ACTN4: variants seen among roughly 807,000 people sequenced by gnomAD.
ACTN4 encodes actinin alpha 4.
Under a neutral mutation model 114.2 loss-of-function variants are expected in ACTN4, and 18 were observed. The observed-to-expected ratio is 0.16, with a 90% CI of 0.11 to 0.23. The LOEUF (loss-of-function observed/expected upper bound fraction) is 0.23, where lower values mean the gene tolerates loss of function less well. ACTN4 is among the 10% of genes least tolerant of loss of function. The pLI is 1.00. For synonymous variants in ACTN4, 515 were observed against 506.3 expected, an observed-to-expected ratio of 1.02 and a Z score of -0.23; for missense variants, 722 against 1,262.9, an observed-to-expected ratio of 0.57 and a Z score of 6.49.
At chr19:38,720,130 G>A (rs1199448170) in intron 11 of ACTN4, among the ~76,000 whole-genome samples, 4 of 152,212 alleles carry the variant, frequency 2.6e-5, no homozygotes, top group Admixed American at 2.0e-4. Flanking sequence ...TGGTCGTAGC[G>A]GCCTCCTCCG....
Position 38,708,231 on chromosome 19 carries a change from C to T in ACTN4, c.651+36C>T, listed in dbSNP as rs759386881. The T allele has an allele frequency of 2.6e-5, 42 of 1,607,274 alleles. 2 individuals carry two copies. In the Admixed American group the frequency reaches 4.5e-4, roughly 17 times the overall value. On this transcript the variant is annotated intron_variant, in intron 6 of 20. Coordinates refer to ENST00000252699, the MANE Select transcript of ACTN4 (RefSeq NM_004924.6). ...CCAGCTCCCCTTGATGGCCCACAGA[C>T]GTGCCCTGTCTGACCCCCTAACTCC...
chr19:38,665,940 T>C (rs1188397206), intron 1 of ACTN4, among the ~76,000 whole-genome samples: 1 of 152,056 alleles, frequency 6.6e-6, no homozygotes, highest in African/African-American at 2.4e-5. Context: ...CTCTCTTCAG[T>C]TGGTGTGTGA....
intron 1 of ACTN4, among the ~76,000 whole-genome samples, chr19:38,672,048 G>A (rs1212306258): frequency 6.6e-6 from 1 of 151,966 alleles, no homozygotes; most frequent in Non-Finnish European, 1.5e-5. Context: ...GGGCAGCGTA[G>A]ACTTCATTGT....
intron 8 of ACTN4, among the ~76,000 whole-genome samples, chr19:38,713,271 G>GC (rs1234473959): frequency 6.6e-6 from 1 of 152,216 alleles, no homozygotes; most frequent in Non-Finnish European, 1.5e-5. Flanking sequence ...AGTGCACTGA[G>GC]CCCCAAGCTG....
chr19:38,727,240 C>T lies in ACTN4; in HGVS notation c.2337+137C>T. 7.3e-7 allele frequency: 1 copy of T among 1,367,774 alleles called. No individual in the cohort carries two copies. The highest frequency in any genetic ancestry group is 1.0e-6 in the Non-Finnish European group (1 of 985,764). 84.7% of individuals were successfully genotyped at this position (1,367,774 alleles called of 1,614,324 possible). ...CCGCCACTCCCAGGGCCAGCAGGGC[C>T]CTGCCACTGTCAGGGTGTAGGTGTG... On this transcript the variant is annotated intron_variant, in intron 18 of 20. Coordinates refer to ENST00000252699, the MANE Select transcript of ACTN4 (RefSeq NM_004924.6). This position sits in a 1 kb window ranked among gnomAD's most constrained non-coding sequence, Gnocchi z 5.4.
chr19:38,726,736 T>G (rs1415172819), intron 17 of ACTN4, among the ~76,000 whole-genome samples: 1 of 152,244 alleles, frequency 6.6e-6, no homozygotes. Flanking sequence ...CATGGGTCCT[T>G]GCCCTTCTGC....
At chr19:38,656,706 C>T (rs1025516329) in intron 1 of ACTN4, among the ~76,000 whole-genome samples, 3 of 152,200 alleles carry the variant, frequency 2.0e-5, no homozygotes, top group Admixed American at 6.5e-5. Context: ...ACCAGCAATA[C>T]AATAGCATTT....
In ACTN4 at chr19:38,673,741, A is replaced by G. The variant is rs573802176; in HGVS notation, c.162+25834A>G. On this transcript the variant is annotated intron_variant, in intron 1 of 20. Transcript: ENST00000252699. ...TTTATATATACTTATATATATTTAT[A>G]TATTTATATATATTTTTATATATAT... 3.5e-3 allele frequency among the ~76,000 whole-genome samples: 327 copies of G among 94,770 alleles called. 24 individuals carry two copies. Among genetic ancestry groups the G allele is most frequent in the African/African-American group, 0.011 (304 of 27,810 alleles). The allele number at this position is 94,770 out of a possible 152,430, so 62.2% of individuals were successfully genotyped here.
intron 5 of ACTN4, among the ~76,000 whole-genome samples, chr19:38,707,232 C>A (rs1968491867): frequency 6.6e-6 from 1 of 151,808 alleles, no homozygotes; most frequent in African/African-American, 2.4e-5. Flanking sequence ...TCTATAGTTT[C>A]CATTCATTTT....
At chr19:38,686,024 G>A (rs1181201259) in intron 1 of ACTN4, among the ~76,000 whole-genome samples, 2 of 152,192 alleles carry the variant, frequency 1.3e-5, no homozygotes, top group Non-Finnish European at 2.9e-5. Flanking sequence ...GGGAGAAACA[G>A]GAGTGTTTGC....
chr19:38,692,364 C>A (rs1354723061), intron 1 of ACTN4, among the ~76,000 whole-genome samples: 2 of 152,226 alleles, frequency 1.3e-5, no homozygotes, highest in Non-Finnish European at 2.9e-5. Context: ...TTGCTGCACC[C>A]ATCTAATTTG....
intron 1 of ACTN4, among the ~76,000 whole-genome samples, chr19:38,659,507 C>T (rs1230412030): frequency 6.6e-6 from 1 of 152,096 alleles, no homozygotes; most frequent in Non-Finnish European, 1.5e-5. Context: ...TCCTATTAGC[C>T]TTGTAGAAAC....
intron 1 of ACTN4, among the ~76,000 whole-genome samples, chr19:38,695,843 C>A (rs575590995): frequency 4.7e-5 from 7 of 148,908 alleles, no homozygotes; most frequent in South Asian, 4.2e-4. Context: ...GGTGCCCCCC[C>A]ACCCCGCCAC....
chr19:38,688,485 C>T (rs908985123), intron 1 of ACTN4, among the ~76,000 whole-genome samples: 2 of 150,208 alleles, frequency 1.3e-5, no homozygotes, highest in Admixed American at 6.6e-5. Flanking sequence ...GTGGGAGAAT[C>T]GCTTGAACCT....
rs577141157 is a variant in ACTN4 at position 38,659,065 on chromosome 19, C to CTTTTTTT, written c.162+11165_162+11171dup. Among the ~76,000 whole-genome samples the CTTTTTTT allele has an allele frequency of 3.6e-5, 4 of 111,692 alleles. 1 individual carries two copies. Among genetic ancestry groups the CTTTTTTT allele is most frequent in the Admixed American group, 1.0e-4 (1 of 9,870 alleles). The allele number at this position is 111,692 out of a possible 152,430, so 73.3% of individuals were successfully genotyped here. A position where few individuals can be genotyped will look rare whatever the true frequency, so the allele number is the denominator to read the frequency against. Reference sequence around the variant, plus strand: ...TAACTTTTTTTTCTTCTTTTCTTTTCTTTTTTTTTTTTTGAGACGGAGTCT... The same window carrying CTTTTTTT: ...TAACTTTTTTTTCTTCTTTTCTTTTCTTTTTTTTTTTTTTTTTTTTGAGACGGAGTCT... On this transcript the variant is annotated intron_variant, in intron 1 of 20. Transcript: ENST00000252699.
intron 1 of ACTN4, among the ~76,000 whole-genome samples, chr19:38,651,983 C>T (rs1976576813): frequency 6.6e-6 from 1 of 152,134 alleles, no homozygotes; most frequent in Non-Finnish European, 1.5e-5. Flanking sequence ...ATCCGCCTGC[C>T]TCGGCCTCCC....
At chr19:38,680,462 G>C (rs940366745) in intron 1 of ACTN4, among the ~76,000 whole-genome samples, 2 of 152,092 alleles carry the variant, frequency 1.3e-5, no homozygotes, top group Non-Finnish European at 2.9e-5. Context: ...TTACAGACAG[G>C]CATGAGCCAC....
Position 38,727,741 on chromosome 19 carries a change from TC to T in ACTN4, c.2338-203del. On this transcript the variant is annotated intron_variant, in intron 18 of 20. Coordinates refer to ENST00000252699, the MANE Select transcript of ACTN4 (RefSeq NM_004924.6). This position sits in a 1 kb window ranked among gnomAD's most constrained non-coding sequence, Gnocchi z 5.4. ...GGAGGCCTCTGCCTTCCTTTGAGCT[TC>T]CGAGGTTGGGGAAAGGATGAAAGGG... 1.7e-6 allele frequency: 1 copy of T among 595,302 alleles called. No homozygotes were observed. Among genetic ancestry groups the T allele is most frequent in the East Asian group, 2.8e-5 (1 of 35,642 alleles). The allele number at this position is 595,302 out of a possible 1,614,324, so 36.9% of individuals were successfully genotyped here.
intron 3 of ACTN4, among the ~76,000 whole-genome samples, chr19:38,703,044 A>G (rs1341601552): frequency 6.6e-6 from 1 of 151,994 alleles, no homozygotes; most frequent in Admixed American, 6.6e-5. Context: ...TGCCCCTTGC[A>G]TATGGCGTGT....
Sources: allele counts gnomAD v4.1 joint callset (sites outside exome capture counted in the v4.1 genomes callset), GRCh38; gene constraint gnomAD v4.1.1; non-coding constraint Gnocchi (gnomAD v3.1); transcripts MANE v1.5; gene names NCBI Gene and HGNC (gene_info 2026-07-23, HGNC 2026-07-21).